The following DDX18 variants were observed in gnomAD, a reference collection of about 807,000 sequenced individuals.
DDX18 encodes ATP-dependent RNA helicase DDX18.
DDX18 carries 23 observed loss-of-function variants against 73.5 expected under a neutral mutation model. That is an observed-to-expected ratio of 0.31 (90% CI 0.23 to 0.44). The LOEUF (loss-of-function observed/expected upper bound fraction) is 0.44. DDX18 is among the 20% of genes least tolerant of loss of function. DDX18 has a pLI of 1.00. For missense variants in DDX18, 753 were observed against 792.9 expected (o/e 0.95, Z 0.60); for synonymous variants, 268 against 282.7 (o/e 0.95, Z 0.52).
In DDX18 at chr2:117,830,755, T is replaced by A; in HGVS notation, c.*31T>A. On this transcript the variant is annotated 3_prime_UTR_variant, in exon 14 of 14. Transcript: ENST00000263239. ...TGCCTTCCTTTCATCTTGAATAACTTTGTCCTAAAATGAATTTTTTTTCCC... is the reference window on the plus strand; with the variant it reads ...TGCCTTCCTTTCATCTTGAATAACTATGTCCTAAAATGAATTTTTTTTCCC... 1 of 1,601,782 alleles carries A rather than the reference T, an allele frequency of 6.2e-7. No individual in the cohort carries two copies. Among genetic ancestry groups the A allele is most frequent in the South Asian group, 1.1e-5 (1 of 87,740 alleles).
At chr2:117,823,041 G>T (rs1679872378) in intron 7 of DDX18, among the ~76,000 whole-genome samples, 2 of 152,168 alleles carry the variant, frequency 1.3e-5, no homozygotes, top group African/African-American at 2.4e-5. Flanking sequence ...TTCCAAAGCG[G>T]CTGTACCATT....
At chr2:117,820,434 A>G (rs1359743821) in intron 3 of DDX18, among the ~76,000 whole-genome samples, 1 of 152,220 alleles carries the variant, frequency 6.6e-6, no homozygotes, top group Non-Finnish European at 1.5e-5. Flanking sequence ...TACTGAGAAG[A>G]TTGGTCATCC....
intron 10 of DDX18, chr2:117,825,953 T>C (rs1679918503): frequency 2.6e-6 from 1 of 387,072 alleles, no homozygotes; most frequent in Non-Finnish European, 4.6e-6. Flanking sequence ...CAACAAACAC[T>C]GGATTAAAGC....
chr2:117,818,051 C>T (rs996097044), intron 2 of DDX18, among the ~76,000 whole-genome samples: 2 of 152,136 alleles, frequency 1.3e-5, no homozygotes, highest in Non-Finnish European at 2.9e-5. Flanking sequence ...TTCCCATTTT[C>T]CTTCCATAAA....
At chr2:117,821,612 G>A (rs1558732777) in intron 4 of DDX18, 38 bp from the exon 5 acceptor site, 1 of 1,609,102 alleles carries the variant, frequency 6.2e-7, no homozygotes, top group Non-Finnish European at 8.5e-7. Context: ...TAAATGAGTA[G>A]GCTAAATGTC....
intron 9 of DDX18, 117 bp downstream of exon 9, chr2:117,825,218 C>T (rs1679904895): frequency 7.4e-7 from 1 of 1,356,250 alleles, no homozygotes; most frequent in Non-Finnish European, 1.0e-6. Flanking sequence ...TTGATCACCA[C>T]TAGATGATGG....
Position 117,826,254 on chromosome 2 carries a change from C to G in DDX18, c.1522-15C>G, listed in dbSNP as rs780427523. ...AAGTCACTGCGTTAACTCAGATTTT[C>G]TTTCTCCACCAAAGGAATATATTCA... On this transcript the variant is annotated splice_polypyrimidine_tract_variant and intron_variant, in intron 10 of 13. Coordinates refer to ENST00000263239, the MANE Select transcript of DDX18 (RefSeq NM_006773.4). 4.4e-6 allele frequency: 7 copies of G among 1,609,122 alleles called. No individual in the cohort carries two copies. Among genetic ancestry groups the G allele is most frequent in the Admixed American group, 3.3e-5 (2 of 59,738 alleles).
intron 1 of DDX18, chr2:117,815,797 T>C (rs1039700034): frequency 6.6e-5 from 10 of 152,204 alleles, no homozygotes; most frequent in African/African-American, 2.4e-4. Context: ...GTAAGGACAT[T>C]CTCAGGTACA....
chr2:117,819,652 C>G lies in DDX18; in HGVS notation c.374C>G (p.Thr125Arg). The G allele has an allele frequency of 6.4e-7, 1 of 1,566,776 alleles. No individual in the cohort carries two copies. The highest frequency in any genetic ancestry group is 1.2e-5 in the South Asian group (1 of 83,000). The change falls in exon 3 of 14, where the codon ACG becomes AGG. Residue 125 changes from threonine (T) to arginine (R), a missense_variant. Thr to Arg is a moderately conservative substitution (Grantham distance 71, BLOSUM62 -1). This residue lies in a region of DDX18 where 345 missense variants were observed against 352.0 expected (regional missense o/e 0.98). Coordinates refer to ENST00000263239, the MANE Select transcript of DDX18 (RefSeq NM_006773.4). ...RKMVNDAEPDTKKAKTENKGK... is the reference protein window; with the variant it reads ...RKMVNDAEPDRKKAKTENKGK... ...ATTTTGTCTTTTAAAACCAAAGATA[C>G]GAAAAAAGCAAAAACTGAAAACAAA...
In DDX18 at chr2:117,828,608, T is replaced by C. The variant is rs1679972808; in HGVS notation, c.1636-341T>C. 4 of 215,838 alleles carry C rather than the reference T, an allele frequency of 1.9e-5. No homozygotes were observed. The South Asian group carries it at 3.4e-4, about 19-fold the overall frequency. The allele number at this position is 215,838 out of a possible 1,614,324, so 13.4% of individuals were successfully genotyped here. On this transcript the variant is annotated intron_variant, in intron 11 of 13. Coordinates refer to ENST00000263239, the MANE Select transcript of DDX18 (RefSeq NM_006773.4). ...ACTGTGGGGGTATTAGGGCCCCTCT[T>C]CTGACATGGAGAAAAGGGGCTGATG... is the stretch of plus-strand genomic sequence containing the variant.
At chr2:117,816,486 C>G (rs902133350) in intron 1 of DDX18, among the ~76,000 whole-genome samples, 1 of 151,966 alleles carries the variant, frequency 6.6e-6, no homozygotes, top group Admixed American at 6.6e-5. Flanking sequence ...CACTGTCTTC[C>G]GCTTCCACAT....
chr2:117,825,059 T>C lies in DDX18; in HGVS notation c.1326T>C (p.Tyr442=), dbSNP rs140766940. 11 of 1,613,270 alleles carry C rather than the reference T, an allele frequency of 6.8e-6. No homozygotes were observed. In the African/African-American group the frequency reaches 1.3e-4, roughly 20 times the overall value. ...FSSCMSVKYH[Y]ELLNYIDLPV... ...CTTGTATGTCTGTGAAATACCACTA[T>C]GAGTTGCTGAACTACATTGATTTGC... The change falls in exon 9 of 14, where the codon TAT becomes TAC. Residue 442 remains tyrosine, a synonymous_variant. Transcript: ENST00000263239.
At chr2:117,821,596 A>G in intron 4 of DDX18, 54 bp from the exon 5 acceptor site, 1 of 1,585,390 alleles carries the variant, frequency 6.3e-7, no homozygotes, top group South Asian at 1.1e-5. Context: ...TGTATGTAGT[A>G]CGTCGTAAAT....
rs369594496 is a variant in DDX18, at chr2:117,826,393, G to A, written c.1635+11G>A. 3 of 1,608,006 alleles carry A rather than the reference G, an allele frequency of 1.9e-6. No individual in the cohort carries two copies. The African/African-American group carries it at 4.0e-5, about 21-fold the overall frequency. ...TTGAAACAATCCAAGGTAAAGATCTGTACTTGGAGAAAGATTTCTCTTGGT... is the reference window on the plus strand; with the variant it reads ...TTGAAACAATCCAAGGTAAAGATCTATACTTGGAGAAAGATTTCTCTTGGT... On this transcript the variant is annotated intron_variant, in intron 11 of 13. Transcript: ENST00000263239.
In DDX18 at chr2:117,814,721, C is replaced by T; in HGVS notation, c.-57C>T. 3 of 1,570,928 alleles carry T rather than the reference C, an allele frequency of 1.9e-6. No homozygotes were observed. The highest frequency in any genetic ancestry group is 1.7e-6 in the Non-Finnish European group (2 of 1,144,066). ...CGGCCGGAAGGGAAGTAACGTCAGC[C>T]TGAGAACTGAGTAGCTGTACTGTGT... On this transcript the variant is annotated 5_prime_UTR_variant, in exon 1 of 14. Coordinates refer to ENST00000263239, the MANE Select transcript of DDX18 (RefSeq NM_006773.4).
In DDX18 at chr2:117,829,358, C is replaced by T. The variant is rs777870407; in HGVS notation, c.1762C>T (p.Arg588Ter). ...SAQEAYKSYI[R>*]AYDSHSLKQI... The stretch of plus-strand genomic sequence containing the variant: ...CCAGGAAGCATATAAGTCATACATA[C>T]GAGCCTATGATTCCCATTCTCTGAA... The change falls in exon 13 of 14, where the codon CGA (arginine) becomes TGA (stop). Residue 588 changes from arginine to a stop codon, truncating the protein, a stop_gained. Coordinates refer to ENST00000263239, the MANE Select transcript of DDX18 (RefSeq NM_006773.4). LOFTEE classifies it high-confidence loss of function. The T allele has an allele frequency of 5.6e-6, 9 of 1,613,862 alleles. No individual in the cohort carries two copies. Among genetic ancestry groups the T allele is most frequent in the East Asian group, 2.2e-5 (1 of 44,886 alleles).
intron 1 of DDX18, chr2:117,815,073 A>T (rs534947546): frequency 1.8e-3 from 1,058 of 587,646 alleles, no homozygotes; most frequent in Non-Finnish European, 2.3e-3. Flanking sequence ...CTTTCTGAGC[A>T]ATCAGTGTCT....
In DDX18 at chr2:117,831,065, G is replaced by A. The variant is rs1680016622; in HGVS notation, c.*341G>A. 4.4e-6 allele frequency: 1 copy of A among 224,782 alleles called. No individual in the cohort carries two copies. Among genetic ancestry groups the A allele is most frequent in the Admixed American group, 5.9e-5 (1 of 16,846 alleles). The allele number at this position is 224,782 out of a possible 1,614,324, so 13.9% of individuals were successfully genotyped here. On this transcript the variant is annotated 3_prime_UTR_variant, in exon 14 of 14. Coordinates refer to ENST00000263239, the MANE Select transcript of DDX18 (RefSeq NM_006773.4). ...TTTGTACCTTTCCTTCTTGTTTTGCGAAGATTTTTGTGGCATGGATTGCTG... is the reference window on the plus strand; with the variant it reads ...TTTGTACCTTTCCTTCTTGTTTTGCAAAGATTTTTGTGGCATGGATTGCTG...
rs533216355 is a variant in DDX18, at chr2:117,819,652, C to T, written c.374C>T (p.Thr125Met). 4.1e-5 allele frequency: 65 copies of T among 1,566,660 alleles called. No homozygotes were observed. The highest frequency in any genetic ancestry group is 2.3e-4 in the Middle Eastern group (1 of 4,322). ...RKMVNDAEPD[T>M]KKAKTENKGK... is the part of the protein sequence containing the mutation. Reference sequence around the variant, plus strand: ...ATTTTGTCTTTTAAAACCAAAGATACGAAAAAAGCAAAAACTGAAAACAAA... The same window carrying T: ...ATTTTGTCTTTTAAAACCAAAGATATGAAAAAAGCAAAAACTGAAAACAAA... Residue 125 changes from threonine to methionine, a missense_variant, in exon 3 of 14, where the codon ACG (threonine) becomes ATG (methionine). Physicochemically the swap from Thr to Met is moderately conservative, Grantham distance 81. This residue lies in a region of DDX18 where 345 missense variants were observed against 352.0 expected (regional missense o/e 0.98). Coordinates refer to ENST00000263239, the MANE Select transcript of DDX18 (RefSeq NM_006773.4).
Sources: gnomAD v4.1 joint callset for allele counts (sites outside exome capture counted in the v4.1 genomes callset) on GRCh38, gnomAD v4.1.1 for gene constraint, gnomAD v4.1.1 regional missense constraint, MANE v1.5 for transcripts, NCBI Gene and HGNC (gene_info 2026-07-23, HGNC 2026-07-21) for gene names.